RBFOX2: variants seen among roughly 807,000 people sequenced by gnomAD.
RBFOX2 encodes the protein RNA binding protein fox-1 homolog 2.
A neutral mutation model predicts 49.1 loss-of-function variants in RBFOX2; 10 were observed. That is an observed-to-expected ratio of 0.20 (90% CI 0.13 to 0.35). The LOEUF is 0.35. RBFOX2 is among the 10% of genes least tolerant of loss of function. The probability of loss-of-function intolerance (pLI) is 1.00; values close to 1 mark genes in which losing one functional copy is unlikely to be tolerated. For synonymous variants in RBFOX2, 183 were observed against 187.4 expected (o/e 0.98, Z 0.19); for missense variants, 323 against 486.9 (o/e 0.66, Z 3.17).
chr22:35,842,176 A>G (rs2040587863), upstream of RBFOX2, among the ~76,000 whole-genome samples: 2 of 152,232 alleles, frequency 1.3e-5, no homozygotes, highest in Admixed American at 6.5e-5. Context: ...GAAATACAGG[A>G]CCATCTGTGG....
intron 1 of RBFOX2, among the ~76,000 whole-genome samples, chr22:35,875,412 G>A (rs149073064): frequency 1.5e-3 from 233 of 152,164 alleles, no homozygotes; most frequent in African/African-American, 5.4e-3. Flanking sequence ...TGAGCCTCTG[G>A]CTAGGTTTAG....
At chr22:36,013,577 T>C (rs1416410114) in intron 1 of RBFOX2, among the ~76,000 whole-genome samples, 1 of 152,070 alleles carries the variant, frequency 6.6e-6, no homozygotes, top group Non-Finnish European at 1.5e-5. Flanking sequence ...AAGGCCATTC[T>C]ATTTTTTTAT....
chr22:35,746,081 G>A, intron 10 of RBFOX2, 86 bp from the exon 13 acceptor site: 1 of 1,173,002 alleles, frequency 8.5e-7, no homozygotes. Context: ...TAAGACTTGT[G>A]AGTCACTTGG....
intron 2 of RBFOX2, among the ~76,000 whole-genome samples, chr22:35,785,409 A>C (rs1946178187): frequency 1.3e-5 from 2 of 152,204 alleles, no homozygotes; most frequent in African/African-American, 2.4e-5. Flanking sequence ...TTAAACCAAC[A>C]TACTTTTAAA....
intron 1 of RBFOX2, among the ~76,000 whole-genome samples, chr22:35,989,268 G>C (rs990097006): frequency 6.6e-6 from 1 of 152,140 alleles, no homozygotes; most frequent in African/African-American, 2.4e-5. Flanking sequence ...AAAAGAAAAA[G>C]ACCTAGAATA....
chr22:35,809,697 A>G, intron 2 of RBFOX2, 83 bp downstream of exon 3: 1 of 1,414,142 alleles, frequency 7.1e-7, no homozygotes, highest in Non-Finnish European at 9.9e-7. Flanking sequence ...TAATTCCGAG[A>G]GTCTTCTAAT....
intron 9 of RBFOX2, among the ~76,000 whole-genome samples, chr22:35,756,798 A>G (rs955815100): frequency 3.9e-5 from 6 of 152,128 alleles, no homozygotes; most frequent in Non-Finnish European, 8.8e-5. Context: ...TTAAGAACCA[A>G]TGCAACACCT....
intron 1 of RBFOX2, among the ~76,000 whole-genome samples, chr22:35,974,123 C>T (rs2057023911): frequency 6.6e-6 from 1 of 152,164 alleles, no homozygotes; most frequent in Non-Finnish European, 1.5e-5. Flanking sequence ...GACTCCCAAA[C>T]CAGCTCTAAA....
chr22:35,961,747 A>C (rs2149953191), upstream of RBFOX2: 1 of 1,219,948 alleles, frequency 8.2e-7, no homozygotes, highest in Non-Finnish European at 1.1e-6. Flanking sequence ...CGTTCTCCCC[A>C]CACCACCCGC....
At chr22:35,872,964 G>A (rs899816055) in intron 1 of RBFOX2, among the ~76,000 whole-genome samples, 3 of 152,058 alleles carry the variant, frequency 2.0e-5, no homozygotes, top group African/African-American at 7.3e-5. Flanking sequence ...ACCCCCTCCC[G>A]TAGCAGTATT....
intron 1 of RBFOX2, among the ~76,000 whole-genome samples, chr22:35,882,174 C>T (rs958767157): frequency 8.6e-5 from 13 of 152,018 alleles, no homozygotes; most frequent in African/African-American, 2.4e-4. Context: ...AAACTGAGTA[C>T]AAACTTCCAA....
chr22:35,795,494 G>A (rs1017978167), intron 2 of RBFOX2, among the ~76,000 whole-genome samples: 10 of 151,908 alleles, frequency 6.6e-5, no homozygotes, highest in Middle Eastern at 3.2e-3. Context: ...TCTTGGCTAC[G>A]TTTTAGTGCA....
intron 2 of RBFOX2, among the ~76,000 whole-genome samples, chr22:35,795,107 T>A (rs985191801): frequency 6.6e-6 from 1 of 152,182 alleles, no homozygotes; most frequent in African/African-American, 2.4e-5. Context: ...TCCTTATGGA[T>A]CCAGCTTGGA....
intron 1 of RBFOX2, among the ~76,000 whole-genome samples, chr22:35,871,481 C>A (rs1020112627): frequency 1.3e-5 from 2 of 152,106 alleles, no homozygotes; most frequent in Non-Finnish European, 1.5e-5. Context: ...AAAGGCTGTT[C>A]AAGGTAGAAA....
At chr22:36,023,004 G>A (rs2059302030) in intron 1 of RBFOX2, among the ~76,000 whole-genome samples, 2 of 152,008 alleles carry the variant, frequency 1.3e-5, no homozygotes, top group Admixed American at 6.6e-5. Flanking sequence ...AAGGACACTG[G>A]GACAGGGAGA....
chr22:35,851,867 T>A (rs2041982475), intron 1 of RBFOX2, among the ~76,000 whole-genome samples: 1 of 152,126 alleles, frequency 6.6e-6, no homozygotes, highest in Non-Finnish European at 1.5e-5. Context: ...ATACACAGTT[T>A]TATAGTCTCT....
intron 1 of RBFOX2, among the ~76,000 whole-genome samples, chr22:35,985,429 G>C (rs932066795): frequency 3.3e-5 from 5 of 152,132 alleles, no homozygotes; most frequent in Admixed American, 3.3e-4. Context: ...CAATACTGAA[G>C]CAAACGGGTC....
intron 1 of RBFOX2, among the ~76,000 whole-genome samples, chr22:35,879,648 G>T (rs111459026): frequency 3.6e-4 from 55 of 152,340 alleles, no homozygotes; most frequent in African/African-American, 1.3e-3. Flanking sequence ...GAGCAGGCTT[G>T]ACTGGAGCCT....
chr22:35,748,118 G>A (rs1031329751), intron 9 of RBFOX2: 2 of 152,092 alleles, frequency 1.3e-5, no homozygotes, highest in African/African-American at 4.8e-5. Context: ...TGCATTGTGA[G>A]GGAAATTTAT....
Sources: gnomAD v4.1 joint callset for allele counts (sites outside exome capture counted in the v4.1 genomes callset) on GRCh38, gnomAD v4.1.1 for gene constraint, MANE v1.5 for transcripts, NCBI Gene and HGNC (gene_info 2026-07-23, HGNC 2026-07-21) for gene names.